TCP1: variants seen among roughly 807,000 people sequenced by gnomAD.
TCP1 encodes the protein t-complex 1.
In TCP1, 6 loss-of-function variants were observed where a neutral mutation model predicts 54.7. That is an observed-to-expected ratio of 0.11 (90% CI 0.06 to 0.22). TCP1 has a LOEUF of 0.22. Among genes scored for constraint, TCP1 ranks in the 10% least tolerant of loss-of-function variants. The pLI is 1.00. For synonymous variants in TCP1, 225 were observed against 229.7 expected, an observed-to-expected ratio of 0.98 and a Z score of 0.19; for missense variants, 511 against 678.2, an observed-to-expected ratio of 0.75 and a Z score of 2.74.
At chr6:159,785,058 A>G in intron 5 of TCP1, 1 of 625,318 alleles carries the variant, frequency 1.6e-6, no homozygotes, top group South Asian at 1.9e-5. Context: ...ACCCTAAAAA[A>G]GCAGGGAAGG....
chr6:159,779,628 A>G lies in TCP1; in HGVS notation c.1453T>C (p.Trp485Arg). ...QVNPERKNLK[W>R]IGLDLSNGKP... ...CAAAGAGCGGGAAACCATGCTTACC[A>G]TTTTAGATTTTTACGTTCTGGGTTA... Residue 485 changes from tryptophan to arginine, a missense_variant and splice_region_variant, in exon 11 of 12, where the codon TGG becomes CGG. By Grantham distance (101) the Trp-to-Arg change is moderately radical. Coordinates refer to ENST00000321394, the MANE Select transcript of TCP1 (RefSeq NM_030752.3). The G allele has an allele frequency of 6.3e-7, 1 of 1,598,394 alleles. No homozygotes were observed. The highest frequency in any genetic ancestry group is 8.5e-7 in the Non-Finnish European group (1 of 1,175,726).
intron 3 of TCP1, 119 bp downstream of exon 3, chr6:159,787,624 T>C: frequency 7.8e-7 from 1 of 1,276,372 alleles, no homozygotes; most frequent in Admixed American, 2.3e-5. Flanking sequence ...CTCAATCTTC[T>C]GGGCATTCAG....
chr6:159,783,792 AT>A (rs1780630852), intron 7 of TCP1, 148 bp downstream of exon 7: 1 of 1,044,634 alleles, frequency 9.6e-7, no homozygotes, highest in Admixed American at 2.9e-5. Context: ...AAAAAGGCCG[AT>A]TTTCATATAG....
At chr6:159,789,019 G>A (rs1157960647) in intron 1 of TCP1, 4 of 209,928 alleles carry the variant, frequency 1.9e-5, no homozygotes, top group South Asian at 1.8e-4. Flanking sequence ...CTGGTAAATG[G>A]TCCTAAAATA....
rs972436672 is a variant in TCP1 at position 159,778,539 on chromosome 6, A to C, written c.*506T>G. ...TGTAAATTTATTCCTAAGCAGTTAAAATGAAAATTTGAGTTTGAAAGGGTA... is the reference window on the plus strand; with the variant it reads ...TGTAAATTTATTCCTAAGCAGTTAACATGAAAATTTGAGTTTGAAAGGGTA... On this transcript the variant is annotated 3_prime_UTR_variant, in exon 12 of 12. Transcript: ENST00000321394. The C allele has an allele frequency of 1.7e-6, 2 of 1,144,072 alleles. No individual in the cohort carries two copies. Among genetic ancestry groups the C allele is most frequent in the African/African-American group, 3.1e-5 (2 of 64,392 alleles). 70.9% of individuals were successfully genotyped at this position (1,144,072 alleles called of 1,614,324 possible).
At position 159,780,550 on chromosome 6, in the gene TCP1, G is replaced by A. The variant is rs2114990640; in HGVS notation, c.990C>T (p.Thr330=). ...TTTCTTCACCTTCCAAATTGGCCAGGGTTGACAGAATAGTTGCTAATAAGA... is the reference window on the plus strand; with the variant it reads ...TTTCTTCACCTTCCAAATTGGCCAGAGTTGACAGAATAGTTGCTAATAAGA... ...AKASGATILS[T]LANLEGEETF... Residue 330 remains threonine, a synonymous_variant, in exon 9 of 12, where the codon ACC becomes ACT. Coordinates refer to ENST00000321394, the MANE Select transcript of TCP1 (RefSeq NM_030752.3). 2 of 1,612,820 alleles carry A rather than the reference G, an allele frequency of 1.2e-6. No individual in the cohort carries two copies. Among genetic ancestry groups the A allele is most frequent in the Non-Finnish European group, 1.7e-6 (2 of 1,179,672 alleles).
At position 159,783,925 on chromosome 6, in the gene TCP1, T is replaced by C. The variant is rs767172763; in HGVS notation, c.797+16A>G. ...ACACTCACACTTAAAAGGCCAAAAATAATCTCTCAACATACCTCTGTCTAA... is the reference window on the plus strand; with the variant it reads ...ACACTCACACTTAAAAGGCCAAAAACAATCTCTCAACATACCTCTGTCTAA... On this transcript the variant is annotated intron_variant, in intron 7 of 11. Transcript: ENST00000321394. 6.4e-7 allele frequency: 1 copy of C among 1,573,408 alleles called. No homozygotes were observed. Among genetic ancestry groups the C allele is most frequent in the South Asian group, 1.2e-5 (1 of 84,902 alleles).
chr6:159,783,773 A>G (rs1780630126), intron 7 of TCP1, among the ~76,000 whole-genome samples, 168 bp downstream of exon 7: 1 of 152,214 alleles, frequency 6.6e-6, no homozygotes, highest in African/African-American at 2.4e-5. Flanking sequence ...CATACAATCA[A>G]AATTCCACAA....
At position 159,780,244 on chromosome 6, in the gene TCP1, C is replaced by G. The variant is rs200707413; in HGVS notation, c.1098-157G>C. The stretch of plus-strand genomic sequence containing the variant: ...ACACAGGATATTTAGATATACTATA[C>G]AGAAACAATGTCTAGTCCCTGCAGA... On this transcript the variant is annotated intron_variant, in intron 9 of 11. Coordinates refer to ENST00000321394, the MANE Select transcript of TCP1 (RefSeq NM_030752.3). 3.8e-4 allele frequency: 455 copies of G among 1,211,900 alleles called. No homozygotes were observed. Among genetic ancestry groups the G allele is most frequent in the Non-Finnish European group, 1.5e-4 (127 of 825,096 alleles). 75.1% of individuals were successfully genotyped at this position (1,211,900 alleles called of 1,614,324 possible). A position where few individuals can be genotyped will look rare whatever the true frequency, so the allele number is the denominator to read the frequency against.
intron 7 of TCP1, among the ~76,000 whole-genome samples, chr6:159,783,153 T>C (rs958491981): frequency 2.0e-5 from 3 of 152,112 alleles, no homozygotes; most frequent in Non-Finnish European, 4.4e-5. Context: ...GCATAATTAG[T>C]TGAAGATGCA....
chr6:159,785,892 A>G lies in TCP1; in HGVS notation c.377+8T>C, dbSNP rs929679276. The G allele has an allele frequency of 1.2e-6, 2 of 1,611,526 alleles. No individual in the cohort carries two copies. The highest frequency in any genetic ancestry group is 1.3e-5 in the African/African-American group (1 of 74,986). On this transcript the variant is annotated splice_region_variant and intron_variant, in intron 4 of 11. Transcript: ENST00000321394. ...AAAAAAAATTTCTCTGAATGCAAAC[A>G]ATCTTACTTGCAAGCAAGTCGATAG...
intron 8 of TCP1, 137 bp from the exon 9 acceptor site, chr6:159,780,703 T>C (rs1049092093): frequency 1.6e-6 from 2 of 1,277,694 alleles, no homozygotes. Context: ...TAACTCCTTT[T>C]ATCCTAAGAT....
At chr6:159,782,575 T>A (rs2114992674) in intron 7 of TCP1, among the ~76,000 whole-genome samples, 1 of 152,284 alleles carries the variant, frequency 6.6e-6, no homozygotes, top group African/African-American at 2.4e-5. Flanking sequence ...AAGGAGGAGT[T>A]AAGGACATTT....
At chr6:159,780,595 A>C (rs375987682) in intron 8 of TCP1, 29 bp from the exon 9 acceptor site, 7 of 1,599,348 alleles carry the variant, frequency 4.4e-6, no homozygotes, top group Non-Finnish European at 5.1e-6. Flanking sequence ...AGGATCTGTG[A>C]ATATTGCTCT....
At chr6:159,786,652 C>T (rs1780704386) in intron 3 of TCP1, among the ~76,000 whole-genome samples, 1 of 152,194 alleles carries the variant, frequency 6.6e-6, no homozygotes, top group African/African-American at 2.4e-5. Flanking sequence ...TTTGTTAAAT[C>T]ACATTATCGT....
intron 7 of TCP1, among the ~76,000 whole-genome samples, chr6:159,781,480 A>G (rs1780574517): frequency 6.6e-6 from 1 of 152,240 alleles, no homozygotes; most frequent in Non-Finnish European, 1.5e-5. Context: ...TGGACAATGA[A>G]GATGAGTCCA....
chr6:159,786,304 TC>T (rs111271076), intron 3 of TCP1, among the ~76,000 whole-genome samples: 5,203 of 152,278 alleles, frequency 0.034, 135 homozygotes, highest in South Asian at 0.067. Flanking sequence ...ACATCATCTT[TC>T]CTCTTAAAGT....
rs776530809 is a variant in TCP1 at position 159,780,521 on chromosome 6, A to G, written c.1019T>C (p.Phe340Ser). ...TGCCTGTCCCAACATTGCAGCTTCA[A>G]AAGTTTCTTCACCTTCCAAATTGGC... Reference protein sequence around the residue: ...TLANLEGEETFEAAMLGQAEE... With the variant: ...TLANLEGEETSEAAMLGQAEE... Residue 340 changes from phenylalanine to serine, a missense_variant, in exon 9 of 12, where the codon TTT (phenylalanine) becomes TCT (serine). Coordinates refer to ENST00000321394, the MANE Select transcript of TCP1 (RefSeq NM_030752.3). 7 of 1,613,990 alleles carry G rather than the reference A, an allele frequency of 4.3e-6. No individual in the cohort carries two copies. Among genetic ancestry groups the G allele is most frequent in the African/African-American group, 1.3e-5 (1 of 74,936 alleles).
rs1482220408 is a variant in TCP1 at position 159,785,375 on chromosome 6, C to G, written c.488+11G>C. On this transcript the variant is annotated intron_variant, in intron 5 of 11. Transcript: ENST00000321394. ...AAAAGTCTAAATTTTATCTGACAAC[C>G]ACAAGGATACATTCCAATGATTTTG... is the stretch of plus-strand genomic sequence containing the variant. 13 of 1,599,954 alleles carry G rather than the reference C, an allele frequency of 8.1e-6. No homozygotes were observed. Among genetic ancestry groups the G allele is most frequent in the Non-Finnish European group, 1.1e-5 (13 of 1,169,208 alleles).
Sources: gnomAD v4.1 joint callset for allele counts (sites outside exome capture counted in the v4.1 genomes callset) on GRCh38, gnomAD v4.1.1 for gene constraint, MANE v1.5 for transcripts, NCBI Gene and HGNC (gene_info 2026-07-23, HGNC 2026-07-21) for gene names.